HCRTR2: variants seen among roughly 807,000 people sequenced by gnomAD.
The protein encoded by HCRTR2 is hypocretin receptor 2, also known as orexin receptor type 2.
HCRTR2 carries 22 observed loss-of-function variants against 49.0 expected under a neutral mutation model. That is an observed-to-expected ratio of 0.45 (90% CI 0.32 to 0.64). HCRTR2 has a LOEUF of 0.64. Among genes scored for constraint, HCRTR2 ranks in the 30% least tolerant of loss-of-function variants. The pLI is 0.04. For synonymous variants in HCRTR2, 236 were observed against 205.3 expected (o/e 1.15, Z -1.28); for missense variants, 491 against 559.4 (o/e 0.88, Z 1.23).
intron 1 of HCRTR2, among the ~76,000 whole-genome samples, chr6:55,129,531 G>T (rs1764325465): frequency 6.6e-6 from 1 of 152,078 alleles, no homozygotes; most frequent in African/African-American, 2.4e-5. Flanking sequence ...GGCAGTATTA[G>T]TCATAAAAAC....
chr6:55,174,577 T>C lies in HCRTR2; in HGVS notation c.-11T>C, dbSNP rs750975449. The C allele has an allele frequency of 1.2e-6, 2 of 1,610,966 alleles. No homozygotes were observed. Among genetic ancestry groups the C allele is most frequent in the Admixed American group, 3.3e-5 (2 of 59,998 alleles). ...CTTGCAGCATTGAGCGGAACCGGAC[T>C]TGAGCCCGTGATGTCCGGCACCAAA... is the stretch of plus-strand genomic sequence containing the variant. On this transcript the variant is annotated 5_prime_UTR_variant, in exon 1 of 7. Coordinates refer to ENST00000370862, the MANE Select transcript of HCRTR2 (RefSeq NM_001384272.1).
At chr6:55,170,298 ATATT>A (rs1416833215), upstream of HCRTR2, among the ~76,000 whole-genome samples, 1 of 148,792 alleles carries the variant, frequency 6.7e-6, no homozygotes, top group Non-Finnish European at 1.5e-5. Flanking sequence ...AATGTATAAT[ATATT>A]TATTTATACA....
chr6:55,246,155 A>G (rs1766439363), intron 1 of HCRTR2, among the ~76,000 whole-genome samples: 1 of 152,046 alleles, frequency 6.6e-6, no homozygotes, highest in Admixed American at 6.6e-5. Context: ...GCTTTCAGAG[A>G]CAGGACAGCC....
intron 4 of HCRTR2, among the ~76,000 whole-genome samples, chr6:55,271,002 C>T (rs1324270339): frequency 6.6e-6 from 1 of 152,066 alleles, no homozygotes; most frequent in Non-Finnish European, 1.5e-5. Flanking sequence ...CAATACAATT[C>T]CTATGAAAAT....
chr6:55,242,068 C>T (rs889999789), intron 1 of HCRTR2, among the ~76,000 whole-genome samples: 1 of 151,736 alleles, frequency 6.6e-6, no homozygotes, highest in Non-Finnish European at 1.5e-5. Context: ...CAGGATTTCA[C>T]TATGTTGGCC....
intron 1 of HCRTR2, among the ~76,000 whole-genome samples, chr6:55,223,492 T>A (rs1225410299): frequency 6.6e-6 from 1 of 152,216 alleles, no homozygotes; most frequent in Admixed American, 6.5e-5. Context: ...TCTTTGACCC[T>A]AATTAGCATT....
intron 3 of HCRTR2, 120 bp downstream of exon 3, chr6:55,255,499 T>C: frequency 8.2e-7 from 1 of 1,215,968 alleles, no homozygotes; most frequent in Non-Finnish European, 1.2e-6. Flanking sequence ...GAATACAGTT[T>C]TGCAAGAGCA....
chr6:55,127,017 G>C (rs573309830), intron 1 of HCRTR2, among the ~76,000 whole-genome samples: 1 of 152,176 alleles, frequency 6.6e-6, no homozygotes, highest in South Asian at 2.1e-4. Flanking sequence ...TATGGGAGTG[G>C]GACCCACCGA....
intron 5 of HCRTR2, 60 bp downstream of exon 5, chr6:55,277,660 CTTTTT>C: frequency 1.1e-6 from 1 of 933,416 alleles, no homozygotes; most frequent in Non-Finnish European, 1.6e-6. Flanking sequence ...TCTTAATTAA[CTTTTT>C]TTTTTTTTTT....
At chr6:55,246,334 A>T (rs1015274690) in intron 1 of HCRTR2, among the ~76,000 whole-genome samples, 1 of 152,026 alleles carries the variant, frequency 6.6e-6, no homozygotes, top group Non-Finnish European at 1.5e-5. Context: ...AATAATTAGG[A>T]TCTTGTAAGC....
intron 1 of HCRTR2, among the ~76,000 whole-genome samples, chr6:55,175,341 T>A (rs1463294810): frequency 6.6e-6 from 1 of 152,106 alleles, no homozygotes; most frequent in Non-Finnish European, 1.5e-5. Context: ...GAGGTGGTAA[T>A]GAACCAGCAG....
At chr6:55,222,663 A>G (rs1465312074) in intron 1 of HCRTR2, among the ~76,000 whole-genome samples, 1 of 152,190 alleles carries the variant, frequency 6.6e-6, no homozygotes, top group Non-Finnish European at 1.5e-5. Context: ...ACCTTATACT[A>G]AATAAAATAA....
At position 55,282,477 on chromosome 6, in the gene HCRTR2, A is replaced by G. The variant is rs1485965298; in HGVS notation, c.*23A>G. The G allele has an allele frequency of 2.4e-6, 3 of 1,251,252 alleles. No homozygotes were observed. The highest frequency in any genetic ancestry group is 2.4e-5 in the East Asian group (1 of 42,062). 77.5% of individuals were successfully genotyped at this position (1,251,252 alleles called of 1,614,324 possible). ...TAGAATATTTATTCATATGACAAGG[A>G]TACCTGAGTAAAACTATCCTTTTTA... On this transcript the variant is annotated 3_prime_UTR_variant, in exon 7 of 7. Transcript: ENST00000370862.
intron 1 of HCRTR2, among the ~76,000 whole-genome samples, chr6:55,193,439 GAGCTAAAC>G (rs1307340204): frequency 6.6e-6 from 1 of 152,006 alleles, no homozygotes; most frequent in East Asian, 1.9e-4. Context: ...GGGCATAAAG[GAGCTAAAC>G]CTTTGCTACC....
intron 1 of HCRTR2, among the ~76,000 whole-genome samples, chr6:55,138,878 C>T (rs1333422952): frequency 1.3e-5 from 2 of 152,160 alleles, no homozygotes; most frequent in Non-Finnish European, 2.9e-5. Context: ...CTTTGCTAGG[C>T]ACTCTTCCAG....
chr6:55,173,080 A>T (rs987098179), upstream of HCRTR2, among the ~76,000 whole-genome samples: 1 of 152,184 alleles, frequency 6.6e-6, no homozygotes, highest in African/African-American at 2.4e-5. Flanking sequence ...GAAAAATACT[A>T]AAAAAGAAAC....
chr6:55,196,945 T>C (rs548597359), intron 1 of HCRTR2, among the ~76,000 whole-genome samples: 7 of 152,106 alleles, frequency 4.6e-5, no homozygotes, highest in Non-Finnish European at 1.0e-4. Flanking sequence ...CAAATTTACC[T>C]GCAAGCCTGA....
chr6:55,263,985 T>C lies in HCRTR2; in HGVS notation c.762+163T>C, dbSNP rs568570602. 103 of 630,808 alleles carry C rather than the reference T, an allele frequency of 1.6e-4. 3 individuals are homozygous for C. The South Asian group carries it at 1.7e-3, about 11-fold the overall frequency. 39.1% of individuals were successfully genotyped at this position (630,808 alleles called of 1,614,324 possible). ...ATAACATGTTCATAAAAGTATTATA[T>C]TGTGTGTTCTTTTAAAGTAATGAGA... On this transcript the variant is annotated intron_variant, in intron 4 of 6. Transcript: ENST00000370862.
At chr6:55,112,348 C>A (rs1764060305) in intron 1 of HCRTR2, among the ~76,000 whole-genome samples, 1 of 151,684 alleles carries the variant, frequency 6.6e-6, no homozygotes, top group Admixed American at 6.6e-5. Context: ...AAGAGGAAAT[C>A]AAAATTTTGC....
Sources: gnomAD v4.1 joint callset for allele counts (sites outside exome capture counted in the v4.1 genomes callset) on GRCh38, gnomAD v4.1.1 for gene constraint, MANE v1.5 for transcripts, NCBI Gene and HGNC (gene_info 2026-07-23, HGNC 2026-07-21) for gene names.